Variants in GRM5 observed in about 807,000 individuals in gnomAD.
GRM5 encodes glutamate metabotropic receptor 5, also known as metabotropic glutamate receptor 5.
In GRM5, 19 loss-of-function variants were observed where a neutral mutation model predicts 83.1. That is an observed-to-expected ratio of 0.23 (90% CI 0.16 to 0.34). GRM5 has a LOEUF of 0.34. Among genes scored for constraint, GRM5 ranks in the 10% least tolerant of loss-of-function variants. GRM5 has a pLI of 1.00. For missense variants in GRM5, 1,160 were observed against 1,588.3 expected, an observed-to-expected ratio of 0.73 and a Z score of 4.58; for synonymous variants, 675 against 633.6, an observed-to-expected ratio of 1.07 and a Z score of -0.98.
chr11:89,064,888 C>CTCTCTCTCTCTCTCTCTG (rs1218318990), intron 1 of GRM5, among the ~76,000 whole-genome samples: 2 of 62,210 alleles, frequency 3.2e-5, no homozygotes, highest in African/African-American at 1.4e-4. Context: ...CTCTCTCTCT[C>CTCTCTCTCTCTCTCTCTG]TGTGTGTGTG....
intron 3 of GRM5, among the ~76,000 whole-genome samples, chr11:88,688,468 C>T (rs1310146147): frequency 6.6e-6 from 1 of 152,106 alleles, no homozygotes; most frequent in Non-Finnish European, 1.5e-5. Context: ...CTGTGGATTT[C>T]AGTACAAAGC....
chr11:89,004,533 A>G (rs1940473051), intron 2 of GRM5, among the ~76,000 whole-genome samples: 1 of 152,188 alleles, frequency 6.6e-6, no homozygotes, highest in Non-Finnish European at 1.5e-5. Flanking sequence ...GGCACATTAT[A>G]TAAGGAAAGC....
intron 2 of GRM5, among the ~76,000 whole-genome samples, chr11:88,940,952 A>C (rs1335534134): frequency 6.6e-6 from 1 of 152,010 alleles, no homozygotes; most frequent in Non-Finnish European, 1.5e-5. Context: ...ATATGTGACA[A>C]TGTGTTAAGT....
chr11:88,936,713 A>G (rs1937908310), intron 2 of GRM5, among the ~76,000 whole-genome samples: 1 of 152,026 alleles, frequency 6.6e-6, no homozygotes, highest in Non-Finnish European at 1.5e-5. Context: ...AACAGTCATT[A>G]TGAACGTTAA....
rs200937613 is a variant in GRM5, at chr11:88,637,500, C to G, written c.1147+15668G>C. On this transcript the variant is annotated intron_variant, in intron 4 of 9. Transcript: ENST00000305447. ...CCATCAAAAAGTGGGTGAAGGACAT[C>G]AACAGACACTTCTCAAAAGAAGACA... 4.1e-3 allele frequency among the ~76,000 whole-genome samples: 622 copies of G among 151,698 alleles called. 1 individual carries two copies. Among genetic ancestry groups the G allele is most frequent in the African/African-American group, 0.014 (564 of 41,384 alleles).
intron 2 of GRM5, among the ~76,000 whole-genome samples, chr11:89,042,044 AATTTTT>A (rs1207135304): frequency 1.3e-5 from 2 of 152,066 alleles, no homozygotes; most frequent in African/African-American, 4.8e-5. Context: ...TCTCAAGGCT[AATTTTT>A]ATTTTTATTT....
intron 4 of GRM5, among the ~76,000 whole-genome samples, chr11:88,646,907 C>CA (rs745436840): frequency 1.4e-5 from 2 of 147,284 alleles, no homozygotes; most frequent in Non-Finnish European, 3.0e-5. Context: ...AAAAAAAAAA[C>CA]ACCACAAATT....
intron 2 of GRM5, among the ~76,000 whole-genome samples, chr11:88,881,057 G>T (rs1488409723): frequency 3.3e-5 from 5 of 152,018 alleles, no homozygotes; most frequent in African/African-American, 1.2e-4. Flanking sequence ...CCTAAATGAA[G>T]GTGGTGTTTT....
intron 3 of GRM5, among the ~76,000 whole-genome samples, chr11:88,685,692 C>G (rs1471559010): frequency 6.6e-6 from 1 of 152,152 alleles, no homozygotes; most frequent in Non-Finnish European, 1.5e-5. Flanking sequence ...TGCATCCCAG[C>G]CACTACAGCC....
intron 3 of GRM5, among the ~76,000 whole-genome samples, chr11:88,776,185 C>T (rs953771700): frequency 1.3e-5 from 2 of 152,094 alleles, no homozygotes; most frequent in South Asian, 2.1e-4. Flanking sequence ...ATCCCTTTAC[C>T]ATTATGTAAT....
At chr11:88,595,700 G>A (rs973365449) in intron 6 of GRM5, among the ~76,000 whole-genome samples, 1 of 152,082 alleles carries the variant, frequency 6.6e-6, no homozygotes, top group Non-Finnish European at 1.5e-5. Flanking sequence ...CCAGATGAAG[G>A]GTGAACCCTC....
intron 2 of GRM5, among the ~76,000 whole-genome samples, chr11:88,923,883 T>A (rs1216384200): frequency 2.0e-5 from 3 of 151,278 alleles, no homozygotes; most frequent in Admixed American, 6.6e-5. Context: ...AGTATACATA[T>A]GAATATATAT....
At chr11:88,873,281 C>T (rs1043272122) in intron 2 of GRM5, among the ~76,000 whole-genome samples, 1 of 151,614 alleles carries the variant, frequency 6.6e-6, no homozygotes, top group Non-Finnish European at 1.5e-5. Flanking sequence ...CAACACCCCA[C>T]TTTTAGCAAT....
At chr11:88,865,376 G>A (rs1221545530) in intron 2 of GRM5, among the ~76,000 whole-genome samples, 1 of 152,066 alleles carries the variant, frequency 6.6e-6, no homozygotes, top group Non-Finnish European at 1.5e-5. Flanking sequence ...ACGAAAACTG[G>A]ATCCTTTCCT....
chr11:88,893,579 A>G (rs755092624), intron 2 of GRM5, among the ~76,000 whole-genome samples: 4 of 152,086 alleles, frequency 2.6e-5, no homozygotes, highest in African/African-American at 4.8e-5. Flanking sequence ...CAAATCCAAT[A>G]CCACTTATTC....
intron 3 of GRM5, among the ~76,000 whole-genome samples, chr11:88,779,308 C>T (rs1295422257): frequency 6.6e-6 from 1 of 152,124 alleles, no homozygotes; most frequent in African/African-American, 2.4e-5. Flanking sequence ...GATATTCCTT[C>T]AATTCTTCAT....
chr11:88,655,098 C>T (rs1014585528), intron 3 of GRM5, among the ~76,000 whole-genome samples: 1 of 152,046 alleles, frequency 6.6e-6, no homozygotes, highest in African/African-American at 2.4e-5. Flanking sequence ...TTAAAAATTA[C>T]CTATAGTGAA....
intron 3 of GRM5, among the ~76,000 whole-genome samples, chr11:88,730,301 T>C (rs1031341468): frequency 1.3e-5 from 2 of 152,070 alleles, no homozygotes; most frequent in African/African-American, 4.8e-5. Context: ...ATTAGAGAAA[T>C]GCAAAACAAA....
At chr11:88,816,713 A>G (rs1590880506) in intron 3 of GRM5, among the ~76,000 whole-genome samples, 1 of 150,490 alleles carries the variant, frequency 6.6e-6, no homozygotes, top group East Asian at 1.9e-4. Flanking sequence ...GAGAAAAATC[A>G]ATAAAACTGA....
Sources: allele counts gnomAD v4.1 joint callset (sites outside exome capture counted in the v4.1 genomes callset), GRCh38; gene constraint gnomAD v4.1.1; transcripts MANE v1.5; gene names NCBI Gene and HGNC (gene_info 2026-07-23, HGNC 2026-07-21).